The following STAP2 variants were observed in gnomAD, a reference collection of about 807,000 sequenced individuals.
STAP2 encodes the protein signal transducing adaptor family member 2.
STAP2 carries 58 observed loss-of-function variants against 52.7 expected under a neutral mutation model. That is an observed-to-expected ratio of 1.10 (90% confidence interval 0.89 to 1.37). The LOEUF is 1.37. Among genes scored for constraint, STAP2 ranks in the 40% most tolerant of loss-of-function variants. The pLI, the probability that STAP2 is intolerant of heterozygous loss-of-function variation, is 0.00. For missense variants in STAP2, 522 were observed against 519.4 expected, an observed-to-expected ratio of 1.00 and a Z score of -0.05; for synonymous variants, 231 against 210.5, an observed-to-expected ratio of 1.10 and a Z score of -0.84.
intron 3 of STAP2, among the ~76,000 whole-genome samples, chr19:4,332,671 C>A (rs1971913124): frequency 2.0e-5 from 3 of 150,520 alleles, no homozygotes; most frequent in Non-Finnish European, 4.4e-5. Context: ...AGCGAGCCCC[C>A]TGTCTCTACA....
intron 5 of STAP2, 129 bp downstream of exon 5, chr19:4,329,832 A>AC: frequency 7.0e-5 from 1 of 14,374 alleles, no homozygotes; most frequent in South Asian, 1.1e-3. Flanking sequence ...CCCCACCCCC[A>AC]GCCCCAAGGC....
chr19:4,326,971 A>G lies in STAP2; in HGVS notation c.800T>C (p.Val267Ala), dbSNP rs936848775. The G allele has an allele frequency of 1.3e-6, 2 of 1,552,324 alleles. No homozygotes were observed. Among genetic ancestry groups the G allele is most frequent in the Non-Finnish European group, 1.7e-6 (2 of 1,147,222 alleles). The change falls in exon 9 of 13, where the codon GTG becomes GCG. Residue 267 changes from valine to alanine, a missense_variant. Physicochemically the swap from Val to Ala is moderately conservative, Grantham distance 64 (BLOSUM62 0). Transcript: ENST00000594605. Reference sequence around the variant, plus strand: ...GCCCGGAGCGGAGGGCGCCACCCACACATTCTCGCCATTCTCCTTATCGGC... The same window carrying G: ...GCCCGGAGCGGAGGGCGCCACCCACGCATTCTCGCCATTCTCCTTATCGGC... Reference protein sequence around the residue: ...VEADKENGENVWVAPSAPGPG... With the variant: ...VEADKENGENAWVAPSAPGPG...
rs767841234 is a variant in STAP2, at chr19:4,325,437, G to A, written c.938C>T (p.Pro313Leu). The change falls in exon 10 of 13, where the codon CCC (proline) becomes CTC (leucine). Residue 313 changes from proline to leucine, a missense_variant. Pro to Leu is a moderately conservative substitution (Grantham distance 98). Coordinates refer to ENST00000594605, the MANE Select transcript of STAP2 (RefSeq NM_001013841.2). ...GTCAACAGCTGGGCCATCTCCAATGGGGGTCACGTAGTTCTCTTCCTGGTT... is the reference window on the plus strand; with the variant it reads ...GTCAACAGCTGGGCCATCTCCAATGAGGGTCACGTAGTTCTCTTCCTGGTT... The part of the protein sequence containing the change: ...LPNQEENYVT[P>L]IGDGPAVDYE... 9 of 1,613,974 alleles carry A rather than the reference G, an allele frequency of 5.6e-6. No homozygotes were observed. In the Admixed American group the frequency reaches 8.3e-5, roughly 15 times the overall value.
chr19:4,328,625 C>A, intron 6 of STAP2, 50 bp downstream of exon 6: 1 of 1,517,558 alleles, frequency 6.6e-7, no homozygotes, highest in South Asian at 1.2e-5. Context: ...CCGCGCCCAC[C>A]CTCTTCCCAC....
chr19:4,324,652 T>G, intron 11 of STAP2, 123 bp from the exon 12 acceptor site: 2 of 933,438 alleles, frequency 2.1e-6, no homozygotes. Context: ...GGCAACATGG[T>G]GAAACCCCTT....
In STAP2 at chr19:4,334,047, A is replaced by G. The variant is rs1971934926; in HGVS notation, c.103-3T>C. On this transcript the variant is annotated splice_polypyrimidine_tract_variant and splice_region_variant and intron_variant, in intron 1 of 12. Transcript: ENST00000594605. ...CCTGCCCAGAACTTCTTGTAATCCTAGGGACCAGAAGTGCAGAAAGAAGAG... is the reference window on the plus strand; with the variant it reads ...CCTGCCCAGAACTTCTTGTAATCCTGGGGACCAGAAGTGCAGAAAGAAGAG... 1.2e-6 allele frequency: 2 copies of G among 1,606,352 alleles called. No individual in the cohort carries two copies. The highest frequency in any genetic ancestry group is 2.7e-5 in the African/African-American group (2 of 74,506).
intron 1 of STAP2, 79 bp downstream of exon 1, chr19:4,338,573 T>C: frequency 5.9e-6 from 2 of 338,874 alleles, no homozygotes; most frequent in Non-Finnish European, 4.8e-6. Context: ...CCTTGGCGAG[T>C]GGGGAGACAG....
chr19:4,325,470 G>T lies in STAP2; in HGVS notation c.905C>A (p.Pro302Gln). 6.2e-7 allele frequency: 1 copy of T among 1,612,542 alleles called. No homozygotes were observed. The highest frequency in any genetic ancestry group is 2.2e-5 in the East Asian group (1 of 44,876). The change falls in exon 10 of 13, where the codon CCA becomes CAA. Residue 302 changes from proline (P) to glutamine (Q), a missense_variant. Transcript: ENST00000594605. The part of the protein sequence containing the change: ...SSQDKLPPLP[P>Q]LPNQEENYVT... ...GTAGTTCTCTTCCTGGTTCGGTAGT[G>T]GGGGCAGTGGGGGCAGCTTGTCCTG...
chr19:4,325,062 C>T (rs1971764592), intron 11 of STAP2, 154 bp downstream of exon 11: 1 of 646,548 alleles, frequency 1.5e-6, no homozygotes, highest in South Asian at 1.9e-5. Flanking sequence ...TGGCGTGAAC[C>T]CAGGAGGCGG....
intron 9 of STAP2, 77 bp from the exon 10 acceptor site, chr19:4,325,622 G>A (rs2144778904): frequency 1.0e-5 from 15 of 1,458,662 alleles, no homozygotes; most frequent in Non-Finnish European, 1.4e-5. Flanking sequence ...GGGTCTGTGT[G>A]CATGCCTGGA....
intron 11 of STAP2, 185 bp downstream of exon 11, chr19:4,325,031 G>A (rs1192937098): frequency 3.5e-6 from 2 of 573,378 alleles, no homozygotes; most frequent in African/African-American, 1.9e-5. Context: ...CCCAGCTACT[G>A]GAGAGGCTGA....
At chr19:4,329,424 C>CGGAGATGCAGCTCCAACCCCTA (rs1432060202) in intron 5 of STAP2, among the ~76,000 whole-genome samples, 1 of 151,982 alleles carries the variant, frequency 6.6e-6, no homozygotes, top group Non-Finnish European at 1.5e-5. Flanking sequence ...ATTCTGGCCC[C>CGGAGATGCAGCTCCAACCCCTA]GGAGATGCAG....
At chr19:4,331,121 G>A (rs73534893) in intron 4 of STAP2, among the ~76,000 whole-genome samples, 1 of 152,044 alleles carries the variant, frequency 6.6e-6, no homozygotes, top group Non-Finnish European at 1.5e-5. Flanking sequence ...CTTGAGCACG[G>A]AAGTTGGAGA....
intron 3 of STAP2, 108 bp from the exon 4 acceptor site, chr19:4,332,186 TC>T (rs371057528): frequency 2.1e-5 from 13 of 633,258 alleles, no homozygotes; most frequent in East Asian, 4.3e-5. Context: ...TTTTCTTTTT[TC>T]TTTTTCTTCT....
intron 12 of STAP2, 25 bp from the exon 13 acceptor site, chr19:4,324,222 C>T (rs1160264958): frequency 6.5e-7 from 1 of 1,549,328 alleles, no homozygotes; most frequent in East Asian, 2.4e-5. Flanking sequence ...CCAGGAGCTG[C>T]AGCTGGCTCA....
chr19:4,328,385 A>C (rs1482244854), intron 6 of STAP2, among the ~76,000 whole-genome samples: 2 of 136,978 alleles, frequency 1.5e-5, no homozygotes, highest in African/African-American at 5.5e-5. Context: ...TACTCTGCTC[A>C]GCTCTGACTC....
At chr19:4,332,687 A>G (rs1971913472) in intron 3 of STAP2, among the ~76,000 whole-genome samples, 4 of 151,856 alleles carry the variant, frequency 2.6e-5, no homozygotes, top group South Asian at 4.2e-4. Flanking sequence ...CTACAAAAAA[A>G]TAAAATATTA....
rs371378159 is a variant in STAP2 at position 4,334,004 on chromosome 19, A to G, written c.143T>C (p.Ile48Thr). Reference sequence around the variant, plus strand: ...GTCCCGATTGCTATTGTAGAAATAAATGGTGAGACCCTGCAGGCCTGCCCA... The same window carrying G: ...GTCCCGATTGCTATTGTAGAAATAAGTGGTGAGACCCTGCAGGCCTGCCCA... ...KFWAGLQGLT[I>T]YFYNSNRDFQ... The change falls in exon 2 of 13, where the codon ATT becomes ACT. Residue 48 changes from isoleucine to threonine, a missense_variant. Ile to Thr is a moderately conservative substitution (Grantham distance 89, BLOSUM62 -1). Transcript: ENST00000594605. 23 of 1,613,378 alleles carry G rather than the reference A, an allele frequency of 1.4e-5. No homozygotes were observed. The East Asian group carries it at 4.7e-4, about 33-fold the overall frequency.
intron 5 of STAP2, among the ~76,000 whole-genome samples, chr19:4,329,253 C>T (rs1568386117): frequency 6.6e-6 from 1 of 151,934 alleles, no homozygotes; most frequent in Non-Finnish European, 1.5e-5. Context: ...GCGTGAGCCA[C>T]TGCATCTGGC....
Sources: gnomAD v4.1 joint callset for allele counts (sites outside exome capture counted in the v4.1 genomes callset) on GRCh38, gnomAD v4.1.1 for gene constraint, MANE v1.5 for transcripts, NCBI Gene and HGNC (gene_info 2026-07-23, HGNC 2026-07-21) for gene names.